Variants in RAPGEF5 observed in about 807,000 individuals in gnomAD.
RAPGEF5 encodes Rap guanine nucleotide exchange factor 5, also known as M-Ras-regulated GEF.
Under a neutral mutation model 125.2 loss-of-function variants are expected in RAPGEF5, and 65 were observed. The observed-to-expected ratio is 0.52, with a 90% CI of 0.43 to 0.64. The LOEUF is 0.64. RAPGEF5 is among the 30% of genes least tolerant of loss of function. The pLI is 0.00. For synonymous variants in RAPGEF5, 391 were observed against 385.9 expected, an observed-to-expected ratio of 1.01 and a Z score of -0.16; for missense variants, 958 against 1,048.1, an observed-to-expected ratio of 0.91 and a Z score of 1.19.
rs191843258 is a variant in RAPGEF5, at chr7:22,284,377, G to A, written c.747+6798C>T. Among the ~76,000 whole-genome samples the A allele has an allele frequency of 1.2e-4, 18 of 152,238 alleles. No individual in the cohort carries two copies. The East Asian group carries it at 3.1e-3, about 26-fold the overall frequency. On this transcript the variant is annotated intron_variant, in intron 6 of 25. Transcript: ENST00000665637. ...ACAGATTGAAACACAAGAAGAGAAC[G>A]TAGTATCAAGTCCTATGGCTCCGTA...
intron 2 of RAPGEF5, among the ~76,000 whole-genome samples, chr7:22,316,385 T>TAGATA (rs1783591022): frequency 8.3e-6 from 1 of 120,674 alleles, no homozygotes; most frequent in Non-Finnish European, 1.7e-5. Context: ...ATAGATAGAT[T>TAGATA]AAATGTGTAT....
intron 9 of RAPGEF5, among the ~76,000 whole-genome samples, chr7:22,206,481 T>A (rs1785399197): frequency 6.6e-6 from 1 of 152,094 alleles, no homozygotes; most frequent in South Asian, 2.1e-4. Context: ...TTGGGAGGAT[T>A]TCCAGAGCTA....
At chr7:22,161,759 T>C (rs1243161891) in intron 13 of RAPGEF5, among the ~76,000 whole-genome samples, 1 of 152,238 alleles carries the variant, frequency 6.6e-6, no homozygotes, top group East Asian at 1.9e-4. Flanking sequence ...ATTTAGGCAG[T>C]TGCCTACTCT....
At chr7:22,184,441 CA>C (rs1159664366) in intron 11 of RAPGEF5, among the ~76,000 whole-genome samples, 1 of 152,262 alleles carries the variant, frequency 6.6e-6, no homozygotes, top group African/African-American at 2.4e-5. Context: ...AATTAAAATT[CA>C]GATAATAAAC....
At chr7:22,240,323 T>G (rs1045577032) in intron 7 of RAPGEF5, among the ~76,000 whole-genome samples, 53 of 101,334 alleles carry the variant, frequency 5.2e-4, no homozygotes, top group African/African-American at 1.9e-3. Flanking sequence ...CAGGTTTGGG[T>G]TTTTTTTTTT....
chr7:22,305,581 T>C (rs1562519928), intron 5 of RAPGEF5, among the ~76,000 whole-genome samples: 3 of 152,174 alleles, frequency 2.0e-5, no homozygotes, highest in Admixed American at 2.0e-4. Flanking sequence ...CTTTAAGCTA[T>C]TTTAAAATGC....
intron 1 of RAPGEF5, among the ~76,000 whole-genome samples, chr7:22,343,815 C>T (rs1214078532): frequency 4.6e-5 from 7 of 152,036 alleles, no homozygotes; most frequent in Admixed American, 4.6e-4. Flanking sequence ...ATGTTCAATA[C>T]ACGGTGACAA....
At chr7:22,318,499 C>T (rs375774275) in intron 1 of RAPGEF5, among the ~76,000 whole-genome samples, 1 of 152,162 alleles carries the variant, frequency 6.6e-6, no homozygotes, top group Non-Finnish European at 1.5e-5. Flanking sequence ...TAAATCACCC[C>T]TTTGACTTAT....
At chr7:22,141,650 T>G (rs768712977) in intron 20 of RAPGEF5, among the ~76,000 whole-genome samples, 14 of 152,302 alleles carry the variant, frequency 9.2e-5, no homozygotes, top group South Asian at 4.1e-4. Flanking sequence ...CCTCCACACC[T>G]CATGCCAAAG....
intron 11 of RAPGEF5, among the ~76,000 whole-genome samples, chr7:22,171,037 T>TC (rs1393489816): frequency 6.6e-6 from 1 of 151,136 alleles, no homozygotes; most frequent in East Asian, 1.9e-4. Flanking sequence ...TTTTTTTTTT[T>TC]CTGCTGTGCA....
intron 8 of RAPGEF5, among the ~76,000 whole-genome samples, chr7:22,221,357 A>C (rs1785784614): frequency 6.6e-6 from 1 of 152,226 alleles, no homozygotes; most frequent in Non-Finnish European, 1.5e-5. Flanking sequence ...TGTGAGGACT[A>C]GTTTTGCCTT....
intron 21 of RAPGEF5, among the ~76,000 whole-genome samples, chr7:22,137,427 A>C (rs1783112236): frequency 6.6e-6 from 1 of 152,230 alleles, no homozygotes; most frequent in African/African-American, 2.4e-5. Context: ...GAAGACCTTA[A>C]GTGACGAAGC....
intron 7 of RAPGEF5, among the ~76,000 whole-genome samples, chr7:22,255,192 G>A (rs1786726297): frequency 6.6e-6 from 1 of 152,102 alleles, no homozygotes; most frequent in Non-Finnish European, 1.5e-5. Flanking sequence ...AGGAATCAAA[G>A]ATGTATCCTA....
intron 6 of RAPGEF5, among the ~76,000 whole-genome samples, chr7:22,279,423 A>G (rs1782626287): frequency 6.6e-6 from 1 of 152,182 alleles, no homozygotes; most frequent in Non-Finnish European, 1.5e-5. Flanking sequence ...TCTGTTATCT[A>G]CTAAGATATA....
At chr7:22,352,411 T>TA (rs34628255) in intron 1 of RAPGEF5, among the ~76,000 whole-genome samples, 14 of 149,730 alleles carry the variant, frequency 9.4e-5, no homozygotes, top group South Asian at 8.5e-4. Flanking sequence ...ATTGTCAGTT[T>TA]AAAAAAAAAA....
rs111532323 is a variant in RAPGEF5, at chr7:22,191,850, T to C, written c.1204+1517A>G. 4.6e-3 allele frequency among the ~76,000 whole-genome samples: 708 copies of C among 152,298 alleles called. 8 individuals carry two copies. Among genetic ancestry groups the C allele is most frequent in the African/African-American group, 0.016 (673 of 41,554 alleles). On this transcript the variant is annotated intron_variant, in intron 11 of 25. Transcript: ENST00000665637. The stretch of plus-strand genomic sequence containing the variant: ...AATTAAAAAGAAAATGAAATGAAGC[T>C]AGGCCTGGGCAGGTTATAATAATTT...
intron 7 of RAPGEF5, among the ~76,000 whole-genome samples, chr7:22,255,897 C>T (rs1786747409): frequency 6.6e-6 from 1 of 152,166 alleles, no homozygotes; most frequent in South Asian, 2.1e-4. Context: ...GGGAGTGTGG[C>T]TGGAAATGCC....
At chr7:22,180,254 G>C (rs974928444) in intron 11 of RAPGEF5, among the ~76,000 whole-genome samples, 1 of 151,976 alleles carries the variant, frequency 6.6e-6, no homozygotes, top group Non-Finnish European at 1.5e-5. Context: ...CCCTTTTTTG[G>C]GAATCAAACT....
At chr7:22,326,205 T>C (rs1310190430) in intron 1 of RAPGEF5, among the ~76,000 whole-genome samples, 1 of 152,182 alleles carries the variant, frequency 6.6e-6, no homozygotes, top group Non-Finnish European at 1.5e-5. Context: ...GTTCCACTTT[T>C]TATTTTTCAA....
Sources: gnomAD v4.1 joint callset for allele counts (sites outside exome capture counted in the v4.1 genomes callset) on GRCh38, gnomAD v4.1.1 for gene constraint, MANE v1.5 for transcripts, NCBI Gene and HGNC (gene_info 2026-07-23, HGNC 2026-07-21) for gene names.